The following CACNB4 variants were observed in gnomAD, a reference collection of about 807,000 sequenced individuals.
The protein encoded by CACNB4 is voltage-dependent L-type calcium channel subunit beta-4.
A neutral mutation model predicts 71.2 loss-of-function variants in CACNB4; 32 were observed. That is an observed-to-expected ratio of 0.45 (90% CI 0.34 to 0.60). The LOEUF is 0.60. Ranked by LOEUF, CACNB4 falls within the 20% of genes least tolerant of loss-of-function variation. The pLI is 0.01. For synonymous variants in CACNB4, 231 were observed against 236.9 expected, an observed-to-expected ratio of 0.97 and a Z score of 0.23; for missense variants, 464 against 647.9, an observed-to-expected ratio of 0.72 and a Z score of 3.08.
At chr2:152,020,426 G>A (rs1025271429) in intron 2 of CACNB4, among the ~76,000 whole-genome samples, 2 of 152,226 alleles carry the variant, frequency 1.3e-5, no homozygotes, top group South Asian at 4.1e-4. Context: ...AGTATAGGGT[G>A]AGGGGGCAAG....
intron 12 of CACNB4, chr2:151,851,965 T>G (rs2099839172): frequency 1.3e-5 from 2 of 152,196 alleles, no homozygotes; most frequent in Non-Finnish European, 2.9e-5. Context: ...ACTGTGTAAT[T>G]GGGCTTCACT....
rs1428698611 is a variant in CACNB4, at chr2:151,837,101, T to G, written c.*2018A>C. ...AACAAAGTATTCAGTAATGGCAGGTTATATGTTTATTAAAGTGCCTAATGG... is the reference window on the plus strand; with the variant it reads ...AACAAAGTATTCAGTAATGGCAGGTGATATGTTTATTAAAGTGCCTAATGG... On this transcript the variant is annotated 3_prime_UTR_variant, in exon 14 of 14. Coordinates refer to ENST00000539935, the MANE Select transcript of CACNB4 (RefSeq NM_000726.5). 1 of 152,034 alleles carries G rather than the reference T, an allele frequency of 6.6e-6. No homozygotes were observed. The highest frequency in any genetic ancestry group is 2.4e-5 in the African/African-American group (1 of 41,464). The allele number at this position is 152,034 out of a possible 1,614,324, so 9.4% of individuals were successfully genotyped here. A position where few individuals can be genotyped will look rare whatever the true frequency, so the allele number is the denominator to read the frequency against.
At chr2:151,946,515 G>C (rs79820318) in intron 2 of CACNB4, among the ~76,000 whole-genome samples, 2,750 of 152,240 alleles carry the variant, frequency 0.018, 95 homozygotes, top group African/African-American at 0.062. Context: ...AATGTTATCA[G>C]AAGGCTGTTG....
At position 151,876,629 on chromosome 2, in the gene CACNB4, C is replaced by T. The variant is rs1034314391; in HGVS notation, c.391-73G>A. The T allele has an allele frequency of 4.6e-6, 4 of 877,126 alleles. No homozygotes were observed. The African/African-American group carries it at 6.5e-5, about 14-fold the overall frequency. The allele number at this position is 877,126 out of a possible 1,614,324, so 54.3% of individuals were successfully genotyped here. On this transcript the variant is annotated intron_variant, in intron 4 of 13. Coordinates refer to ENST00000539935, the MANE Select transcript of CACNB4 (RefSeq NM_000726.5). ...CACGTTGTTTATTAATCTTAGGGGA[C>T]AAGAAGAATAAAATGCTATTTATAT...
chr2:151,897,541 G>C (rs2099852392), intron 2 of CACNB4, among the ~76,000 whole-genome samples: 1 of 152,182 alleles, frequency 6.6e-6, no homozygotes. Flanking sequence ...AAAGTAACTA[G>C]ATGAAACCTT....
intron 2 of CACNB4, among the ~76,000 whole-genome samples, chr2:152,089,314 C>T (rs1333824240): frequency 6.6e-6 from 1 of 152,186 alleles, no homozygotes; most frequent in Non-Finnish European, 1.5e-5. Context: ...GAGACTTACC[C>T]ATTGATGTAT....
intron 2 of CACNB4, among the ~76,000 whole-genome samples, chr2:151,955,331 T>C (rs2099867976): frequency 6.6e-6 from 1 of 152,216 alleles, no homozygotes; most frequent in Admixed American, 6.5e-5. Flanking sequence ...ATTAACTTAT[T>C]GTGTATTATT....
chr2:152,051,708 G>A (rs1409100638), intron 2 of CACNB4, among the ~76,000 whole-genome samples: 2 of 152,104 alleles, frequency 1.3e-5, no homozygotes, highest in Non-Finnish European at 2.9e-5. Flanking sequence ...CCAGAACTTT[G>A]AAAAGTAACT....
chr2:152,088,941 C>A (rs1000076774), intron 2 of CACNB4, among the ~76,000 whole-genome samples: 8 of 152,186 alleles, frequency 5.3e-5, no homozygotes, highest in Non-Finnish European at 1.0e-4. Context: ...AGGCAGGGTG[C>A]CCTAGCACAC....
chr2:152,049,087 A>G (rs1685281624), intron 2 of CACNB4, among the ~76,000 whole-genome samples: 1 of 151,998 alleles, frequency 6.6e-6, no homozygotes, highest in African/African-American at 2.4e-5. Context: ...AGCACTCCCT[A>G]TATCTTTACC....
intron 2 of CACNB4, among the ~76,000 whole-genome samples, chr2:152,007,130 G>A (rs1419216342): frequency 2.0e-5 from 3 of 152,094 alleles, no homozygotes; most frequent in Admixed American, 6.5e-5. Context: ...ATCCCTCTCC[G>A]CTGACAACTC....
intron 2 of CACNB4, among the ~76,000 whole-genome samples, chr2:152,009,139 T>C (rs1287955664): frequency 2.0e-5 from 3 of 150,094 alleles, no homozygotes; most frequent in African/African-American, 7.4e-5. Context: ...TGCAGTTAGC[T>C]GTGTTTGTGC....
chr2:152,035,741 G>C (rs1156965429), intron 2 of CACNB4, among the ~76,000 whole-genome samples: 2 of 151,538 alleles, frequency 1.3e-5, no homozygotes, highest in Non-Finnish European at 2.9e-5. Context: ...GAATAGCTCA[G>C]ATTAACCAAC....
At position 151,980,303 on chromosome 2, in the gene CACNB4, A is replaced by G. The variant is rs114373016; in HGVS notation, c.148-96933T>C. Among the ~76,000 whole-genome samples, 1,261 of 152,010 alleles carry G rather than the reference A, an allele frequency of 8.3e-3. 14 individuals carry two copies. The highest frequency in any genetic ancestry group is 0.029 in the African/African-American group (1,182 of 41,428). ...GTCTAGTGTGTAGTGTGGCCCCAACACTTCTCTTCTGACAGCCCTCATTTT... is the reference window on the plus strand; with the variant it reads ...GTCTAGTGTGTAGTGTGGCCCCAACGCTTCTCTTCTGACAGCCCTCATTTT... On this transcript the variant is annotated intron_variant, in intron 2 of 13. Transcript: ENST00000539935.
At chr2:151,887,431 CAAAA>C (rs5835386) in intron 2 of CACNB4, among the ~76,000 whole-genome samples, 1 of 146,014 alleles carries the variant, frequency 6.8e-6, no homozygotes. Context: ...GACCCTGTCT[CAAAA>C]AAAAAAAAAA....
intron 2 of CACNB4, chr2:151,971,498 C>A (rs1268310253): frequency 8.5e-6 from 6 of 702,696 alleles, no homozygotes; most frequent in Admixed American, 2.0e-5. Context: ...ATCCACCAGA[C>A]CTGTTCCGAG....
At chr2:152,004,419 A>G (rs141140737) in intron 2 of CACNB4, among the ~76,000 whole-genome samples, 10 of 152,198 alleles carry the variant, frequency 6.6e-5, no homozygotes, top group African/African-American at 2.4e-4. Context: ...TGCCCTGTGC[A>G]AGCCCCATGT....
chr2:152,045,654 A>C (rs1685109620), intron 2 of CACNB4, among the ~76,000 whole-genome samples: 1 of 152,112 alleles, frequency 6.6e-6, no homozygotes, highest in South Asian at 2.1e-4. Flanking sequence ...AGGTGGATCA[A>C]AGTACACCCT....
intron 9 of CACNB4, chr2:151,861,841 T>TAAAAAAAAA (rs2099841742): frequency 1.8e-5 from 1 of 56,302 alleles, no homozygotes; most frequent in African/African-American, 3.2e-4. Context: ...AGACCCTGTC[T>TAAAAAAAAA]CAAAAAAAAA....
Sources: allele counts gnomAD v4.1 joint callset (sites outside exome capture counted in the v4.1 genomes callset), GRCh38; gene constraint gnomAD v4.1.1; transcripts MANE v1.5; gene names NCBI Gene and HGNC (gene_info 2026-07-23, HGNC 2026-07-21).